SETD2: variants seen among roughly 807,000 people sequenced by gnomAD.
SETD2 encodes SET domain containing 2, histone lysine methyltransferase.
SETD2 carries 31 observed loss-of-function variants against 242.1 expected under a neutral mutation model. The ratio of observed to expected loss-of-function variants is 0.13; its 90% CI spans 0.10 to 0.17. The LOEUF is 0.17. SETD2 is among the 10% of genes least tolerant of loss of function. SETD2 has a pLI of 1.00. For missense variants in SETD2, 2,481 were observed against 3,046.3 expected (o/e 0.81, Z 4.37); for synonymous variants, 1,006 against 1,066.5 (o/e 0.94, Z 1.11).
chr3:47,067,177 G>C (rs571934568), intron 12 of SETD2, 59 bp from the exon 13 acceptor site: 1 of 1,206,140 alleles, frequency 8.3e-7, no homozygotes, highest in East Asian at 2.3e-5. Context: ...TGATTGCTTT[G>C]AAACTGACTG....
chr3:47,053,117 A>C (rs1347577017), intron 15 of SETD2, among the ~76,000 whole-genome samples: 1 of 151,880 alleles, frequency 6.6e-6, no homozygotes, highest in Non-Finnish European at 1.5e-5. Flanking sequence ...CGAACTCCTG[A>C]CTTCAGGTGA....
chr3:47,075,421 G>A lies in SETD2; in HGVS notation c.6060+8299C>T, dbSNP rs1237595322. 9.2e-5 allele frequency among the ~76,000 whole-genome samples: 14 copies of A among 151,596 alleles called. No homozygotes were observed. The East Asian group carries it at 9.8e-4, about 11-fold the overall frequency. ...CTAAAAATACAAAAAGAAATTAGCCGGGCGTGGTGGTGCATGCCTGTAATT... is the reference window on the plus strand; with the variant it reads ...CTAAAAATACAAAAAGAAATTAGCCAGGCGTGGTGGTGCATGCCTGTAATT... On this transcript the variant is annotated intron_variant, in intron 12 of 20. Transcript: ENST00000409792.
intron 17 of SETD2, among the ~76,000 whole-genome samples, 176 bp from the exon 18 acceptor site, chr3:47,037,953 G>A (rs937885038): frequency 5.3e-5 from 8 of 152,218 alleles, no homozygotes; most frequent in African/African-American, 1.9e-4. Flanking sequence ...TTCTAGCACA[G>A]AGATATGCCC....
chr3:47,152,486 A>G (rs1233595325), intron 1 of SETD2, among the ~76,000 whole-genome samples: 2 of 152,212 alleles, frequency 1.3e-5, no homozygotes, highest in Non-Finnish European at 2.9e-5. Context: ...TTTGTGAAAA[A>G]CAGTATTTGC....
intron 1 of SETD2, among the ~76,000 whole-genome samples, chr3:47,140,564 CAGA>C (rs2043702381): frequency 6.6e-6 from 1 of 152,140 alleles, no homozygotes. Context: ...GTGAATCACA[CAGA>C]AAGAGTTGAC....
intron 12 of SETD2, among the ~76,000 whole-genome samples, chr3:47,080,626 T>A (rs1249337865): frequency 6.6e-6 from 1 of 152,194 alleles, no homozygotes; most frequent in Non-Finnish European, 1.5e-5. Context: ...TATGCACATA[T>A]CCCTGCTGAA....
At chr3:47,153,435 A>C (rs2044045905) in intron 1 of SETD2, among the ~76,000 whole-genome samples, 1 of 152,178 alleles carries the variant, frequency 6.6e-6, no homozygotes, top group Admixed American at 6.5e-5. Context: ...CCAGCCTCAA[A>C]CCAACCATTT....
chr3:47,138,985 T>C (rs1217703028), intron 1 of SETD2, among the ~76,000 whole-genome samples: 1 of 152,212 alleles, frequency 6.6e-6, no homozygotes, highest in East Asian at 1.9e-4. Context: ...GGTCTTGCTC[T>C]GTTACCCACT....
chr3:47,019,588 TG>T (rs2038129411), intron 19 of SETD2, among the ~76,000 whole-genome samples, 171 bp downstream of exon 19: 1 of 152,186 alleles, frequency 6.6e-6, no homozygotes, highest in African/African-American at 2.4e-5. Flanking sequence ...AAAAGATGGC[TG>T]AGGAGTTTTC....
At chr3:47,110,333 T>C (rs1223402632) in intron 5 of SETD2, among the ~76,000 whole-genome samples, 1 of 152,208 alleles carries the variant, frequency 6.6e-6, no homozygotes, top group Non-Finnish European at 1.5e-5. Context: ...GAAAATGTTT[T>C]GGACACAGAC....
chr3:47,120,061 A>C (rs1462789709), intron 3 of SETD2, 121 bp downstream of exon 3: 1 of 861,894 alleles, frequency 1.2e-6, no homozygotes, highest in Admixed American at 3.2e-5. Flanking sequence ...AGACTTTTAA[A>C]TTTACTTTAT....
intron 10 of SETD2, 39 bp from the exon 11 acceptor site, chr3:47,086,353 G>A (rs1397462265): frequency 1.2e-6 from 2 of 1,602,232 alleles, no homozygotes; most frequent in Non-Finnish European, 1.7e-6. Flanking sequence ...AGAGCATTGG[G>A]AGGCAATATC....
Position 47,125,256 on chromosome 3 carries a change from T to C in SETD2, c.88-708A>G, listed in dbSNP as rs1575821963. ...ATCACTGGAACCCCGGAGGCAGAGG[T>C]TGCAGTGAGCCAAGATGGCACCACA... On this transcript the variant is annotated intron_variant, in intron 2 of 20. Transcript: ENST00000409792. Among the ~76,000 whole-genome samples the C allele has an allele frequency of 2.0e-5, 3 of 151,562 alleles. No homozygotes were observed. In the South Asian group the frequency reaches 6.3e-4, roughly 32 times the overall value.
intron 3 of SETD2, among the ~76,000 whole-genome samples, chr3:47,117,313 T>C (rs1026241946): frequency 5.4e-5 from 8 of 147,546 alleles, no homozygotes; most frequent in African/African-American, 2.0e-4. Context: ...AAGGGCAACC[T>C]TAACCTTGGC....
In SETD2 at chr3:47,122,241, C is replaced by T. The variant is rs367547253; in HGVS notation, c.2395G>A (p.Asp799Asn). ...GAGTTACACAAAGAAGGGTTGCTAT[C>T]GTTCAAAGTACAGTATATGTCTGAA... Reference protein sequence around the residue: ...KDSDIYCTLNDSNPSLCNSEA... With the variant: ...KDSDIYCTLNNSNPSLCNSEA... The change falls in exon 3 of 21, where the codon GAT (aspartate) becomes AAT (asparagine). Residue 799 changes from aspartate (D) to asparagine (N), a missense_variant. Asp to Asn is a conservative substitution (Grantham distance 23). Around this residue, in one of 17 missense-constraint regions of SETD2, gnomAD observed 1,300 missense variants for 1,259.2 expected, o/e 1.03. Coordinates refer to ENST00000409792, the MANE Select transcript of SETD2 (RefSeq NM_014159.7). 29 of 1,614,002 alleles carry T rather than the reference C, an allele frequency of 1.8e-5. No individual in the cohort carries two copies. The highest frequency in any genetic ancestry group is 6.6e-5 in the South Asian group (6 of 91,084).
At chr3:47,047,954 AC>A (rs1302345716) in intron 15 of SETD2, among the ~76,000 whole-genome samples, 9 of 152,314 alleles carry the variant, frequency 5.9e-5, no homozygotes, top group Non-Finnish European at 8.8e-5. Context: ...TCTATTAGAT[AC>A]CTAGGCTATA....
intron 1 of SETD2, among the ~76,000 whole-genome samples, chr3:47,150,090 C>T (rs1018229526): frequency 7.9e-6 from 1 of 126,172 alleles, no homozygotes; most frequent in Admixed American, 1.0e-4. Flanking sequence ...AGTGCAGTGG[C>T]GCAATCTCGG....
intron 7 of SETD2, among the ~76,000 whole-genome samples, chr3:47,101,821 T>TA (rs995277119): frequency 5.3e-5 from 8 of 151,296 alleles, no homozygotes; most frequent in African/African-American, 9.7e-5. Context: ...AAGTAACTGC[T>TA]AAAAAAAAGA....
intron 1 of SETD2, among the ~76,000 whole-genome samples, chr3:47,131,265 C>T (rs967867149): frequency 1.3e-5 from 2 of 152,168 alleles, no homozygotes; most frequent in Admixed American, 6.5e-5. Flanking sequence ...TTATTTTGTG[C>T]AATTCTGAAA....
Sources: allele counts gnomAD v4.1 joint callset (sites outside exome capture counted in the v4.1 genomes callset), GRCh38; gene constraint gnomAD v4.1.1; regional missense constraint gnomAD v4.1.1; transcripts MANE v1.5; gene names NCBI Gene and HGNC (gene_info 2026-07-23, HGNC 2026-07-21).